ZGRF1: variants seen among roughly 807,000 people sequenced by gnomAD.
The protein encoded by ZGRF1 is zinc finger GRF-type containing 1, also known as 5'-3' DNA helicase ZGRF1.
A neutral mutation model predicts 203.5 loss-of-function variants in ZGRF1; 196 were observed. The ratio of observed to expected loss-of-function variants is 0.96; its 90% CI spans 0.86 to 1.08. The LOEUF (loss-of-function observed/expected upper bound fraction) is 1.08. ZGRF1 is among the 50% of genes least tolerant of loss of function. The pLI is 0.00. For synonymous variants in ZGRF1, 809 were observed against 841.3 expected, an observed-to-expected ratio of 0.96 and a Z score of 0.66; for missense variants, 2,326 against 2,416.3, an observed-to-expected ratio of 0.96 and a Z score of 0.78.
At chr4:112,591,517 G>A (rs1336842624) in intron 10 of ZGRF1, among the ~76,000 whole-genome samples, 2 of 152,124 alleles carry the variant, frequency 1.3e-5, no homozygotes, top group Non-Finnish European at 2.9e-5. Context: ...GTATGAGGCA[G>A]CTCTTACAAA....
intron 16 of ZGRF1, among the ~76,000 whole-genome samples, chr4:112,574,351 A>G (rs900626257): frequency 1.3e-4 from 20 of 152,218 alleles, no homozygotes; most frequent in African/African-American, 4.8e-4. Context: ...AAAAAGATAA[A>G]TTCCAAAAGA....
intron 6 of ZGRF1, among the ~76,000 whole-genome samples, chr4:112,616,269 T>TA (rs2046864984): frequency 1.3e-5 from 2 of 151,692 alleles, no homozygotes; most frequent in African/African-American, 4.8e-5. Context: ...CCTGTAATCC[T>TA]AGCACTTTGG....
At chr4:112,600,614 C>T (rs937315645) in intron 10 of ZGRF1, among the ~76,000 whole-genome samples, 20 of 151,988 alleles carry the variant, frequency 1.3e-4, no homozygotes, top group African/African-American at 4.6e-4. Context: ...TCACTTGAAC[C>T]CAGGAGGCGG....
In ZGRF1 at chr4:112,617,669, A is replaced by T; in HGVS notation, c.2373T>A (p.Ile791=). Residue 791 remains isoleucine (I), a synonymous_variant, in exon 6 of 28, where the codon ATT becomes ATA. Coordinates refer to ENST00000505019, the MANE Select transcript of ZGRF1 (RefSeq NM_018392.5). The part of the protein sequence containing the change: ...HISEPEDLGK[I]RSPPPDHVEV... ...CAACATGGTCAGGGGGTGGACTTCT[A>T]ATCTTTCCCAAATCTTCAGGTTCAG... The T allele has an allele frequency of 6.2e-7, 1 of 1,613,906 alleles. No homozygotes were observed. The highest frequency in any genetic ancestry group is 2.2e-5 in the East Asian group (1 of 44,868).
At chr4:112,628,796 TG>T in intron 3 of ZGRF1, 2 of 439,848 alleles carry the variant, frequency 4.5e-6, no homozygotes, top group Non-Finnish European at 9.0e-6. Flanking sequence ...ACAAAGGATA[TG>T]CAGAATCCAA....
intron 16 of ZGRF1, among the ~76,000 whole-genome samples, chr4:112,570,705 C>T (rs990687842): frequency 6.6e-6 from 1 of 152,038 alleles, no homozygotes; most frequent in African/African-American, 2.4e-5. Flanking sequence ...AAATTCCTTA[C>T]ATTTTTAATA....
Position 112,587,322 on chromosome 4 carries a change from T to C in ZGRF1, c.3735A>G (p.Leu1245=), listed in dbSNP as rs1747352811. 6.2e-7 allele frequency: 1 copy of C among 1,613,114 alleles called. No individual in the cohort carries two copies. Among genetic ancestry groups the C allele is most frequent in the Admixed American group, 1.7e-5 (1 of 59,962 alleles). Residue 1245 remains leucine, a synonymous_variant, in exon 12 of 28, where the codon TTA becomes TTG. Coordinates refer to ENST00000505019, the MANE Select transcript of ZGRF1 (RefSeq NM_018392.5). ...TGTAGTTGTAGCAGGTAGACCCTCCTAATACATTTTTAATTTCCTCTGTCT... is the reference window on the plus strand; with the variant it reads ...TGTAGTTGTAGCAGGTAGACCCTCCCAATACATTTTTAATTTCCTCTGTCT... ...TSKTEEIKNV[L]GGSTCYNYSV...
At chr4:112,632,426 C>T (rs1392774899) in intron 2 of ZGRF1, among the ~76,000 whole-genome samples, 2 of 152,144 alleles carry the variant, frequency 1.3e-5, no homozygotes, top group Non-Finnish European at 2.9e-5. Flanking sequence ...AAAGTTTGGT[C>T]CAGAGACTCC....
At chr4:112,599,868 T>C (rs774246080) in intron 10 of ZGRF1, among the ~76,000 whole-genome samples, 21 of 152,138 alleles carry the variant, frequency 1.4e-4, no homozygotes, top group Admixed American at 2.6e-4. Context: ...GCTTTTTCAA[T>C]AAATGGTGCT....
chr4:112,551,119 T>C (rs1381369896), intron 22 of ZGRF1, among the ~76,000 whole-genome samples: 1 of 152,216 alleles, frequency 6.6e-6, no homozygotes, highest in Non-Finnish European at 1.5e-5. Context: ...AAATATTTTA[T>C]ACCATATTTT....
chr4:112,603,772 A>C, intron 9 of ZGRF1, 75 bp from the exon 10 acceptor site: 1 of 1,085,478 alleles, frequency 9.2e-7, no homozygotes, highest in Non-Finnish European at 1.3e-6. Context: ...AAACACACAG[A>C]ATACAATACA....
intron 10 of ZGRF1, among the ~76,000 whole-genome samples, chr4:112,594,143 G>C (rs1748612688): frequency 6.6e-6 from 1 of 151,996 alleles, no homozygotes; most frequent in Admixed American, 6.6e-5. Context: ...TTATTTGTTT[G>C]TTTGTTTATT....
Position 112,558,226 on chromosome 4 carries a change from T to C in ZGRF1, c.5044A>G (p.Thr1682Ala). The change falls in exon 20 of 28, where the codon ACC (threonine) becomes GCC (alanine). Residue 1682 changes from threonine (T) to alanine (A), a missense_variant. Transcript: ENST00000505019. Reference protein sequence around the residue: ...VQLFEKSEAPTIGNARPWKLL... With the variant: ...VQLFEKSEAPAIGNARPWKLL... ...TTCCACGGCCTTGCATTTCCAATGG[T>C]GGGAGCTTCACTCTTTTCAAACAGC... The C allele has an allele frequency of 1.2e-6, 2 of 1,606,684 alleles. No homozygotes were observed. The highest frequency in any genetic ancestry group is 1.3e-5 in the African/African-American group (1 of 74,540).
At position 112,620,127 on chromosome 4, in the gene ZGRF1, C is replaced by A; in HGVS notation, c.226G>T (p.Ala76Ser). 6.2e-7 allele frequency: 1 copy of A among 1,613,236 alleles called. No homozygotes were observed. Among genetic ancestry groups the A allele is most frequent in the Non-Finnish European group, 8.5e-7 (1 of 1,179,604 alleles). Reference sequence around the variant, plus strand: ...TGCTTAACAATACCTATGGCTCCAGCAACTTTAACCTCTTCAACTGTGATT... The same window carrying A: ...TGCTTAACAATACCTATGGCTCCAGAAACTTTAACCTCTTCAACTGTGATT... ...YLITVEEVKVAGAIGIVKQNV... is the reference protein window; with the variant it reads ...YLITVEEVKVSGAIGIVKQNV... The change falls in exon 5 of 28, where the codon GCT (alanine) becomes TCT (serine). Residue 76 changes from alanine (A) to serine (S), a missense_variant. By Grantham distance (99) the Ala-to-Ser change is moderately conservative. Transcript: ENST00000505019.
intron 10 of ZGRF1, among the ~76,000 whole-genome samples, chr4:112,602,409 A>G (rs1750122940): frequency 1.3e-5 from 2 of 152,260 alleles, no homozygotes; most frequent in African/African-American, 4.8e-5. Flanking sequence ...ATGTAGAGTG[A>G]TGGGCACTCT....
intron 9 of ZGRF1, chr4:112,605,805 T>G: frequency 1.9e-6 from 1 of 531,358 alleles, no homozygotes; most frequent in South Asian, 2.2e-5. Context: ...TATTAGCTCA[T>G]TAGTAGTATA....
Position 112,633,155 on chromosome 4 carries a change from C to T in ZGRF1, c.21+1G>A. On this transcript the variant is annotated splice_donor_variant, in intron 2 of 27. Coordinates refer to ENST00000505019, the MANE Select transcript of ZGRF1 (RefSeq NM_018392.5). LOFTEE classifies it high-confidence loss of function. ...AAACTGTGAAAAATGGTAAAACTTA[C>T]AATAAATTCTTGGCTTTCCATTATT... 6.2e-7 allele frequency: 1 copy of T among 1,609,420 alleles called. No individual in the cohort carries two copies. Among genetic ancestry groups the T allele is most frequent in the Non-Finnish European group, 8.5e-7 (1 of 1,176,910 alleles).
In ZGRF1 at chr4:112,585,020, C is replaced by A. The variant is rs1746926495; in HGVS notation, c.4101+521G>T. Among the ~76,000 whole-genome samples the A allele has an allele frequency of 2.6e-5, 4 of 152,190 alleles. No homozygotes were observed. The South Asian group carries it at 8.3e-4, about 31-fold the overall frequency. On this transcript the variant is annotated intron_variant, in intron 14 of 27. Coordinates refer to ENST00000505019, the MANE Select transcript of ZGRF1 (RefSeq NM_018392.5). Reference sequence around the variant, plus strand: ...TTTCTTTCAGGCTCATTTCTGAATTCTCTAAGCTCTCAGGTTGGAACATAT... The same window carrying A: ...TTTCTTTCAGGCTCATTTCTGAATTATCTAAGCTCTCAGGTTGGAACATAT...
chr4:112,583,988 G>C lies in ZGRF1; in HGVS notation c.4288C>G (p.Leu1430Val). 5 of 1,598,302 alleles carry C rather than the reference G, an allele frequency of 3.1e-6. No homozygotes were observed. The highest frequency in any genetic ancestry group is 4.3e-6 in the Non-Finnish European group (5 of 1,173,396). The change falls in exon 15 of 28, where the codon CTT (leucine) becomes GTT (valine). Residue 1430 changes from leucine to valine, a missense_variant. Transcript: ENST00000505019. ...QKIPLYEECQ[L>V]LVRKGFDFQR... Reference sequence around the variant, plus strand: ...TACTATAAAACATACCTCACCAAAAGCTGGCATTCCTCATAAAGTGGTATC... The same window carrying C: ...TACTATAAAACATACCTCACCAAAACCTGGCATTCCTCATAAAGTGGTATC...
Sources: gnomAD v4.1 joint callset for allele counts (sites outside exome capture counted in the v4.1 genomes callset) on GRCh38, gnomAD v4.1.1 for gene constraint, MANE v1.5 for transcripts, NCBI Gene and HGNC (gene_info 2026-07-23, HGNC 2026-07-21) for gene names.